Variants in NOX1 observed in about 807,000 individuals in gnomAD.
NOX1 encodes the protein NADH/NADPH mitogenic oxidase subunit P65-MOX.
Under a neutral mutation model 42.5 loss-of-function variants are expected in NOX1, and 34 were observed. That is an observed-to-expected ratio of 0.80 (90% CI 0.61 to 1.07). NOX1 has a LOEUF of 1.07. NOX1 is among the 50% of genes least tolerant of loss of function. The probability of loss-of-function intolerance (pLI) is 0.00; values close to 1 mark genes in which losing one functional copy is unlikely to be tolerated. For missense variants in NOX1, 408 were observed against 427.0 expected (o/e 0.96, Z 0.39); for synonymous variants, 143 against 152.5 (o/e 0.94, Z 0.46).
intron 7 of NOX1, among the ~76,000 whole-genome samples, 163 bp downstream of exon 7, chrX:100,862,008 T>C (rs1392078250): frequency 3.6e-5 from 4 of 112,073 alleles, no homozygotes; most frequent in African/African-American, 1.3e-4. Flanking sequence ...TTGCCAGTGA[T>C]ACTGGAAGTT....
intron 12 of NOX1, among the ~76,000 whole-genome samples, chrX:100,845,611 G>GTTTTT (rs773049273): frequency 4.7e-5 from 2 of 42,781 alleles, no homozygotes; most frequent in Non-Finnish European, 3.9e-5. Context: ...GAAACTATGT[G>GTTTTT]TTTTTTTTTT....
chrX:100,870,906 G>A lies in NOX1; in HGVS notation c.46-92C>T, dbSNP rs191903866. On this transcript the variant is annotated intron_variant, in intron 1 of 12. Coordinates refer to ENST00000372966, the MANE Select transcript of NOX1 (RefSeq NM_007052.5). ...GGATAGGGATAGCAATAGTGTCGCC[G>A]TTTTGGCTATTTTGTGTTTACCTGT... is the stretch of plus-strand genomic sequence containing the variant. 1,907 of 562,473 alleles carry A rather than the reference G, an allele frequency of 3.4e-3. 3 individuals carry two copies. The highest frequency in any genetic ancestry group is 4.5e-3 in the Non-Finnish European group (1,592 of 350,859). The allele number at this position is 562,473 out of a possible 1,213,427, so 46.4% of individuals were successfully genotyped here. A position where few individuals can be genotyped will look rare whatever the true frequency, so the allele number is the denominator to read the frequency against.
intron 7 of NOX1, 125 bp from the exon 8 acceptor site, chrX:100,851,450 T>C (rs1221368144): frequency 2.9e-6 from 1 of 348,410 alleles, no homozygotes; most frequent in Non-Finnish European, 4.9e-6. Flanking sequence ...AAGCTACTAA[T>C]TTCACCAAAT....
chrX:100,870,162 T>A (rs2085264916), intron 2 of NOX1, among the ~76,000 whole-genome samples: 1 of 108,151 alleles, frequency 9.2e-6, no homozygotes, highest in Admixed American at 1.0e-4. Context: ...GGTATCAGAA[T>A]GATGCTGGCC....
At chrX:100,852,230 A>G (rs1206024458) in intron 7 of NOX1, among the ~76,000 whole-genome samples, 5 of 111,931 alleles carry the variant, frequency 4.5e-5, no homozygotes, top group African/African-American at 1.6e-4. Context: ...GCACCTTGGG[A>G]AGCCAAGGCG....
At chrX:100,855,891 G>T in intron 7 of NOX1, 2 of 1,174,868 alleles carry the variant, frequency 1.7e-6, no homozygotes, top group Non-Finnish European at 2.3e-6. Context: ...ATGGTATTTC[G>T]GAATGACAAT....
intron 7 of NOX1, among the ~76,000 whole-genome samples, chrX:100,857,916 T>C (rs2085178508): frequency 8.9e-6 from 1 of 111,784 alleles, no homozygotes; most frequent in African/African-American, 3.3e-5. Flanking sequence ...AGCTCTTTAG[T>C]TTAATTAGAT....
chrX:100,844,995 G>A lies in NOX1; in HGVS notation c.1569-917C>T, dbSNP rs928940396. On this transcript the variant is annotated intron_variant, in intron 12 of 12. Transcript: ENST00000372966. ...AGCTAATCTTTCCAACTATGCTCTG[G>A]GTCTCACCGTCTTCTTCCTTCTCTC... 8.1e-5 allele frequency among the ~76,000 whole-genome samples: 9 copies of A among 110,674 alleles called. No homozygotes were observed. The East Asian group carries it at 2.0e-3, about 24-fold the overall frequency.
intron 12 of NOX1, among the ~76,000 whole-genome samples, chrX:100,846,617 G>A (rs914374020): frequency 4.5e-5 from 5 of 110,074 alleles, no homozygotes; most frequent in African/African-American, 1.3e-4. Flanking sequence ...TCTGTCCCTC[G>A]CTAGTCTCTC....
chrX:100,854,522 T>G (rs939339227), intron 7 of NOX1, among the ~76,000 whole-genome samples: 6 of 111,435 alleles, frequency 5.4e-5, no homozygotes, highest in African/African-American at 2.0e-4. Flanking sequence ...AGACAAGGTA[T>G]TAACCATCTT....
chrX:100,861,913 G>T (rs950986907), intron 7 of NOX1, among the ~76,000 whole-genome samples: 1 of 112,106 alleles, frequency 8.9e-6, no homozygotes, highest in African/African-American at 3.2e-5. Context: ...AATAATGTGG[G>T]CTATCATTAT....
At chrX:100,860,054 C>A (rs186360592) in intron 7 of NOX1, among the ~76,000 whole-genome samples, 115 of 110,788 alleles carry the variant, frequency 1.0e-3, no homozygotes, top group African/African-American at 3.6e-3. Context: ...GGAGAACATG[C>A]ATTTAAATGA....
Position 100,843,879 on chromosome X carries a change from ACCTGACGAGACC to A in NOX1, c.*61_*72del. 1 of 952,423 alleles carries A rather than the reference ACCTGACGAGACC, an allele frequency of 1.0e-6. No individual in the cohort carries two copies. The highest frequency in any genetic ancestry group is 3.1e-5 in the East Asian group (1 of 32,048). The allele number at this position is 952,423 out of a possible 1,213,427, so 78.5% of individuals were successfully genotyped here. A position where few individuals can be genotyped will look rare whatever the true frequency, so the allele number is the denominator to read the frequency against. On this transcript the variant is annotated 3_prime_UTR_variant, in exon 13 of 13. Transcript: ENST00000372966. ...TTCTTATCCTAAAGTGACTGCTCAAACCTGACGAGACCAAGTAAATTACTGAAGATACAAAGA... is the reference window on the plus strand; with the variant it reads ...TTCTTATCCTAAAGTGACTGCTCAAAAAGTAAATTACTGAAGATACAAAGA...
intron 7 of NOX1, among the ~76,000 whole-genome samples, chrX:100,859,583 G>C (rs1270888754): frequency 9.0e-6 from 1 of 110,604 alleles, no homozygotes; most frequent in East Asian, 2.8e-4. Context: ...TTTTTTAGTT[G>C]TAGGCTTTTT....
At chrX:100,859,687 T>C (rs2085190271) in intron 7 of NOX1, among the ~76,000 whole-genome samples, 1 of 108,995 alleles carries the variant, frequency 9.2e-6, no homozygotes, top group African/African-American at 3.4e-5. Flanking sequence ...TGTCCAGGAA[T>C]TTATCCATTT....
At chrX:100,858,768 T>C (rs201769572) in intron 7 of NOX1, among the ~76,000 whole-genome samples, 1 of 111,383 alleles carries the variant, frequency 9.0e-6, no homozygotes, top group African/African-American at 3.3e-5. Flanking sequence ...TACTGATTTT[T>C]GTATATTGAT....
intron 12 of NOX1, among the ~76,000 whole-genome samples, chrX:100,847,559 G>A (rs943753579): frequency 9.1e-6 from 1 of 109,514 alleles, no homozygotes; most frequent in African/African-American, 3.3e-5. Flanking sequence ...GAGGTCAGGA[G>A]TTCGAGATTA....
rs1292204946 is a variant in NOX1 at position 100,874,146 on chromosome X, G to C, written c.-7C>G. 1 of 1,196,197 alleles carries C rather than the reference G, an allele frequency of 8.4e-7. No homozygotes were observed. Among genetic ancestry groups the C allele is most frequent in the Non-Finnish European group, 1.1e-6 (1 of 882,783 alleles). Reference sequence around the variant, plus strand: ...TAACCACCCAGTTTCCCATTGTCAAGAGGTGGTTTGGAGCCCTTCTAGGCA... The same window carrying C: ...TAACCACCCAGTTTCCCATTGTCAACAGGTGGTTTGGAGCCCTTCTAGGCA... On this transcript the variant is annotated 5_prime_UTR_variant, in exon 1 of 13. Coordinates refer to ENST00000372966, the MANE Select transcript of NOX1 (RefSeq NM_007052.5).
intron 7 of NOX1, among the ~76,000 whole-genome samples, chrX:100,853,287 T>TC (rs1569445562): frequency 4.4e-4 from 34 of 76,473 alleles, no homozygotes; most frequent in African/African-American, 1.4e-3. Flanking sequence ...TCTTTCTTTC[T>TC]TTCTTTCTTT....
Sources: gnomAD v4.1 joint callset for allele counts (sites outside exome capture counted in the v4.1 genomes callset) on GRCh38, gnomAD v4.1.1 for gene constraint, MANE v1.5 for transcripts, NCBI Gene and HGNC (gene_info 2026-07-23, HGNC 2026-07-21) for gene names.